CLRN1: variants seen among roughly 807,000 people sequenced by gnomAD.
The protein encoded by CLRN1 is clarin 1, also known as clarin-1.
CLRN1 carries 15 observed loss-of-function variants against 18.7 expected under a neutral mutation model. That is an observed-to-expected ratio of 0.80 (90% CI 0.54 to 1.23). CLRN1 has a LOEUF of 1.23. Ranked by LOEUF, CLRN1 falls within the 50% of genes most tolerant of loss-of-function variation. The pLI, the probability that CLRN1 is intolerant of heterozygous loss-of-function variation, is 0.00. For synonymous variants in CLRN1, 104 were observed against 102.9 expected (o/e 1.01, Z -0.07); for missense variants, 311 against 277.5 (o/e 1.12, Z -0.86).
chr3:150,946,146 T>C (rs1714155024), intron 1 of CLRN1, among the ~76,000 whole-genome samples: 1 of 152,028 alleles, frequency 6.6e-6, no homozygotes, highest in African/African-American at 2.4e-5. Context: ...GCCAAATAAA[T>C]GAAGACATAT....
At chr3:150,941,875 T>A (rs2107951704) in intron 1 of CLRN1, 114 bp from the exon 2 acceptor site, 1 of 943,838 alleles carries the variant, frequency 1.1e-6, no homozygotes. Flanking sequence ...AAAATCCTTC[T>A]GATGAATACA....
chr3:150,952,001 T>C (rs1340288358), intron 1 of CLRN1, among the ~76,000 whole-genome samples: 1 of 152,136 alleles, frequency 6.6e-6, no homozygotes, highest in Non-Finnish European at 1.5e-5. Flanking sequence ...CCAAACTATA[T>C]CATCAGCTCT....
At chr3:150,962,512 C>G (rs1423893945) in intron 1 of CLRN1, among the ~76,000 whole-genome samples, 1 of 152,046 alleles carries the variant, frequency 6.6e-6, no homozygotes, top group East Asian at 1.9e-4. Flanking sequence ...CCCCTTGGCT[C>G]TTAATACAAT....
chr3:150,967,698 C>T (rs540482867), intron 1 of CLRN1, among the ~76,000 whole-genome samples: 23 of 152,210 alleles, frequency 1.5e-4, no homozygotes, highest in East Asian at 3.9e-4. Context: ...ATAGGAGAGA[C>T]GCAAGGTGTG....
intron 1 of CLRN1, among the ~76,000 whole-genome samples, chr3:150,953,318 T>C (rs981578377): frequency 8.5e-5 from 13 of 152,142 alleles, no homozygotes; most frequent in Admixed American, 2.0e-4. Context: ...ACTTTGTCTG[T>C]GCGTTCAGAA....
At chr3:150,970,148 G>A (rs867338650) in intron 1 of CLRN1, among the ~76,000 whole-genome samples, 1 of 152,070 alleles carries the variant, frequency 6.6e-6, no homozygotes, top group African/African-American at 2.4e-5. Context: ...CCTGCTTTTT[G>A]CTCCAAGGAA....
chr3:150,939,760 C>T (rs188961816), intron 2 of CLRN1, among the ~76,000 whole-genome samples: 1 of 152,284 alleles, frequency 6.6e-6, no homozygotes, highest in East Asian at 1.9e-4. Flanking sequence ...GCACACCACC[C>T]GGATCCACCT....
At chr3:150,963,361 T>A (rs568210465) in intron 1 of CLRN1, among the ~76,000 whole-genome samples, 1 of 152,166 alleles carries the variant, frequency 6.6e-6, no homozygotes, top group South Asian at 2.1e-4. Flanking sequence ...TTACAAGGGA[T>A]GTGATGGACC....
intron 1 of CLRN1, among the ~76,000 whole-genome samples, chr3:150,956,936 C>T (rs1714767012): frequency 6.6e-6 from 1 of 152,190 alleles, no homozygotes; most frequent in South Asian, 2.1e-4. Context: ...GTAAACTAAA[C>T]TCTCTCATTT....
At chr3:150,938,005 C>T (rs775344277) in intron 2 of CLRN1, among the ~76,000 whole-genome samples, 1 of 152,066 alleles carries the variant, frequency 6.6e-6, no homozygotes, top group Non-Finnish European at 1.5e-5. Flanking sequence ...TTCTACATGC[C>T]CCAGGATGCC....
intron 1 of CLRN1, chr3:150,943,691 A>T: frequency 6.7e-7 from 1 of 1,491,546 alleles, no homozygotes; most frequent in Non-Finnish European, 9.3e-7. Context: ...TCACAGGCAG[A>T]GGGCAGCCAC....
chr3:150,955,705 A>G (rs535159216), intron 1 of CLRN1, among the ~76,000 whole-genome samples: 39 of 152,166 alleles, frequency 2.6e-4, no homozygotes, highest in Non-Finnish European at 4.9e-4. Context: ...TTCGTTGCAC[A>G]CCTGAACATG....
chr3:150,959,996 A>G (rs879439615), intron 1 of CLRN1, among the ~76,000 whole-genome samples: 4 of 152,184 alleles, frequency 2.6e-5, no homozygotes, highest in Admixed American at 2.6e-4. Context: ...CACAATGGGT[A>G]GAGGGGCCAA....
chr3:150,926,862 C>G lies in CLRN1; in HGVS notation c.*1074G>C, dbSNP rs550291464. The G allele has an allele frequency of 6.2e-7, 1 of 1,613,938 alleles. No individual in the cohort carries two copies. The highest frequency in any genetic ancestry group is 8.5e-7 in the Non-Finnish European group (1 of 1,179,992). The stretch of plus-strand genomic sequence containing the variant: ...GGGTCAGTTCCAGGCTCAGCTGTGG[C>G]CTTTAGTCAGCTGCAGATCAATTTG... On this transcript the variant is annotated 3_prime_UTR_variant, in exon 3 of 3. Transcript: ENST00000327047.
chr3:150,960,665 G>A (rs745426707), intron 1 of CLRN1, among the ~76,000 whole-genome samples: 2 of 152,126 alleles, frequency 1.3e-5, no homozygotes, highest in Non-Finnish European at 2.9e-5. Flanking sequence ...TGTAATGGCT[G>A]GTCTAAAATG....
At chr3:150,969,292 AATAT>A (rs766087778) in intron 1 of CLRN1, among the ~76,000 whole-genome samples, 1,628 of 61,396 alleles carry the variant, frequency 0.027, 41 homozygotes, top group South Asian at 0.042. Flanking sequence ...TGTGGCTTGT[AATAT>A]ATATATATAT....
At chr3:150,943,919 G>A in intron 1 of CLRN1, 1 of 1,612,114 alleles carries the variant, frequency 6.2e-7, no homozygotes, top group South Asian at 1.1e-5. Context: ...CCTCCTGCAA[G>A]AGGTTGAGCA....
chr3:150,967,876 G>A (rs902820307), intron 1 of CLRN1, among the ~76,000 whole-genome samples: 20 of 152,134 alleles, frequency 1.3e-4, no homozygotes, highest in African/African-American at 4.6e-4. Context: ...CCACCTGCTT[G>A]CTCACAGAAG....
chr3:150,959,374 A>T lies in CLRN1; in HGVS notation c.253+13082T>A, dbSNP rs182367885. 4.6e-5 allele frequency among the ~76,000 whole-genome samples: 7 copies of T among 152,308 alleles called. No homozygotes were observed. The East Asian group carries it at 1.2e-3, about 25-fold the overall frequency. ...CCGGGCTTGGTGGCTCACGCTTGTAATCTCAGCACTTTGGGAGGCTGAGGC... is the reference window on the plus strand; with the variant it reads ...CCGGGCTTGGTGGCTCACGCTTGTATTCTCAGCACTTTGGGAGGCTGAGGC... On this transcript the variant is annotated intron_variant, in intron 1 of 2. Coordinates refer to ENST00000327047, the MANE Select transcript of CLRN1 (RefSeq NM_174878.3).
Sources: gnomAD v4.1 joint callset for allele counts (sites outside exome capture counted in the v4.1 genomes callset) on GRCh38, gnomAD v4.1.1 for gene constraint, MANE v1.5 for transcripts, NCBI Gene and HGNC (gene_info 2026-07-23, HGNC 2026-07-21) for gene names.